The following FERRY3 variants were observed in gnomAD, a reference collection of about 807,000 sequenced individuals.
FERRY3 encodes the protein protein C12orf4.
chr12:4,512,207 G>T, the FERRY3 span, among the ~76,000 whole-genome samples: 4 of 139,098 alleles, frequency 2.9e-5, no homozygotes, highest in Admixed American at 1.4e-4. Context: ...TTGAATCTCT[G>T]AATAGACCAA....
chr12:4,531,934 A>G, the FERRY3 span, among the ~76,000 whole-genome samples: 4 of 152,210 alleles, frequency 2.6e-5, no homozygotes. Context: ...CAATTAGGGA[A>G]AAGGAATCAG....
the FERRY3 span, among the ~76,000 whole-genome samples, chr12:4,529,551 G>A: frequency 6.6e-6 from 1 of 151,980 alleles, no homozygotes; most frequent in Admixed American, 6.6e-5. Context: ...AATGAGATAG[G>A]GCATCCAAAG....
At chr12:4,490,468 G>T in the FERRY3 span, 2 of 1,396,632 alleles carry the variant, frequency 1.4e-6, no homozygotes, top group East Asian at 2.5e-5. Flanking sequence ...CTGTATCTGT[G>T]AGAAATCTAA....
At chr12:4,528,928 C>G in the FERRY3 span, among the ~76,000 whole-genome samples, 1 of 147,372 alleles carries the variant, frequency 6.8e-6, no homozygotes, top group Non-Finnish European at 1.5e-5. Flanking sequence ...CACACACACA[C>G]ACACACACAC....
chr12:4,534,183 T>G, the FERRY3 span: 2 of 1,610,512 alleles, frequency 1.2e-6, no homozygotes, highest in Non-Finnish European at 1.7e-6. Flanking sequence ...GCCCATGTAC[T>G]CGCCAGCTGA....
At chr12:4,518,304 G>T in the FERRY3 span, 1 of 1,530,748 alleles carries the variant, frequency 6.5e-7, no homozygotes. Context: ...GCTACAGAAA[G>T]TCCAGTATAA....
At chr12:4,496,929 G>A in the FERRY3 span, among the ~76,000 whole-genome samples, 2 of 152,196 alleles carry the variant, frequency 1.3e-5, no homozygotes, top group East Asian at 1.9e-4. Flanking sequence ...CTTATTTTTC[G>A]CATTCAATAT....
chr12:4,519,519 A>G, the FERRY3 span, among the ~76,000 whole-genome samples: 2 of 152,236 alleles, frequency 1.3e-5, no homozygotes, highest in Non-Finnish European at 2.9e-5. The surrounding 1 kb of genome is among the most constrained non-coding windows in gnomAD (Gnocchi z 4.3). Flanking sequence ...TGAGGATGAT[A>G]CAAGTCTGTA....
At chr12:4,490,460 G>C in the FERRY3 span, 1 of 1,329,426 alleles carries the variant, frequency 7.5e-7, no homozygotes, top group Non-Finnish European at 1.0e-6. Flanking sequence ...ATGCCTAGCT[G>C]TATCTGTGAG....
At chr12:4,504,290 G>A in the FERRY3 span, among the ~76,000 whole-genome samples, 1 of 152,118 alleles carries the variant, frequency 6.6e-6, no homozygotes, top group Non-Finnish European at 1.5e-5. Context: ...TACCTTAAAG[G>A]AGAATAAAAA....
At chr12:4,493,152 T>C in the FERRY3 span, among the ~76,000 whole-genome samples, 6,532 of 152,280 alleles carry the variant, frequency 0.043, 198 homozygotes, top group Middle Eastern at 0.071. Flanking sequence ...GTCTCCATTT[T>C]CTGAACTCCC....
the FERRY3 span, among the ~76,000 whole-genome samples, chr12:4,511,016 A>C: frequency 4.6e-5 from 7 of 150,810 alleles, no homozygotes; most frequent in East Asian, 9.7e-4. Context: ...AGAGACACAC[A>C]TAGGCTCAAA....
At chr12:4,526,324 T>C in the FERRY3 span, among the ~76,000 whole-genome samples, 1 of 152,170 alleles carries the variant, frequency 6.6e-6, no homozygotes, top group South Asian at 2.1e-4. Flanking sequence ...TTTGTGAAAG[T>C]TTAATGAGCT....
At chr12:4,517,041 TAAA>T in the FERRY3 span, 1 of 1,512,762 alleles carries the variant, frequency 6.6e-7, no homozygotes, top group South Asian at 1.4e-5. Flanking sequence ...CAGAATATAA[TAAA>T]AGTGAGTTTT....
chr12:4,526,255 T>C, the FERRY3 span, among the ~76,000 whole-genome samples: 1 of 152,208 alleles, frequency 6.6e-6, no homozygotes, highest in Admixed American at 6.5e-5. Context: ...AAGAGGACTC[T>C]GTAATGCTGG....
chr12:4,492,239 G>GT, the FERRY3 span, among the ~76,000 whole-genome samples: 16 of 152,064 alleles, frequency 1.1e-4, no homozygotes, highest in African/African-American at 3.9e-4. Context: ...AAAAATTTTA[G>GT]TAAGTGTAAT....
At chr12:4,489,994 T>G in the FERRY3 span, 1 of 793,294 alleles carries the variant, frequency 1.3e-6, no homozygotes, top group Non-Finnish European at 2.0e-6. Context: ...CTAGTTCTAC[T>G]AGGAATATGT....
the FERRY3 span, among the ~76,000 whole-genome samples, chr12:4,506,059 A>C: frequency 6.6e-6 from 1 of 152,160 alleles, no homozygotes; most frequent in Admixed American, 6.5e-5. Context: ...AGAATAAATA[A>C]AATAAACATT....
At chr12:4,487,860 G>A in the FERRY3 span, 1 of 151,942 alleles carries the variant, frequency 6.6e-6, no homozygotes, top group African/African-American at 2.4e-5. Context: ...CATCATTCAT[G>A]AAGTGCTTTA....
Sources: gnomAD v4.1 joint callset for allele counts (sites outside exome capture counted in the v4.1 genomes callset) on GRCh38, gnomAD v4.1.1 for gene constraint, Gnocchi (gnomAD v3.1) non-coding constraint, MANE v1.5 for transcripts, NCBI Gene and HGNC (gene_info 2026-07-23, HGNC 2026-07-21) for gene names.